The following C6orf132 variants were observed in gnomAD, a reference collection of about 807,000 sequenced individuals.
C6orf132 encodes the protein chromosome 6 open reading frame 132, also known as uncharacterized protein C6orf132.
A neutral mutation model predicts 65.3 loss-of-function variants in C6orf132; 43 were observed. The observed-to-expected ratio is 0.66, with a 90% CI of 0.52 to 0.85. C6orf132 has a LOEUF of 0.85. Ranked by LOEUF, C6orf132 falls within the 40% of genes least tolerant of loss-of-function variation. C6orf132 has a pLI of 0.00. For synonymous variants in C6orf132, 631 were observed against 654.1 expected (o/e 0.96, Z 0.54); for missense variants, 1,488 against 1,548.8 (o/e 0.96, Z 0.66).
chr6:42,126,448 G>A (rs13219156), intron 2 of C6orf132: 11,778 of 151,754 alleles, frequency 0.078, 1,185 homozygotes, highest in African/African-American at 0.23. Context: ...GTATTTTACC[G>A]ACTGGTAGAG....
At chr6:42,108,946 G>C (rs1305004132) in intron 3 of C6orf132, among the ~76,000 whole-genome samples, 1 of 152,200 alleles carries the variant, frequency 6.6e-6, no homozygotes. Flanking sequence ...CCAACTGTCA[G>C]GCAGGACTTA....
rs905349308 is a variant in C6orf132 at position 42,102,175 on chromosome 6, C to G, written c.*1586G>C. ...AAAACAAGCATAAACCTGGACTGCCCAGGCAAAGGACACGTGGTCACCCTA... is the reference window on the plus strand; with the variant it reads ...AAAACAAGCATAAACCTGGACTGCCGAGGCAAAGGACACGTGGTCACCCTA... On this transcript the variant is annotated 3_prime_UTR_variant, in exon 5 of 5. Transcript: ENST00000341865. 6.6e-6 allele frequency: 1 copy of G among 151,482 alleles called. No individual in the cohort carries two copies. Among genetic ancestry groups the G allele is most frequent in the Non-Finnish European group, 1.5e-5 (1 of 68,010 alleles). 9.4% of individuals were successfully genotyped at this position (151,482 alleles called of 1,614,324 possible).
At chr6:42,111,278 ATTTT>A (rs61241413) in intron 2 of C6orf132, among the ~76,000 whole-genome samples, 5 of 119,938 alleles carry the variant, frequency 4.2e-5, no homozygotes, top group African/African-American at 7.1e-5. Flanking sequence ...TTCCTGGCTA[ATTTT>A]TTTTTTTTTT....
At chr6:42,131,567 CCCA>C (rs1402821173) in intron 1 of C6orf132, among the ~76,000 whole-genome samples, 1 of 152,214 alleles carries the variant, frequency 6.6e-6, no homozygotes, top group Non-Finnish European at 1.5e-5. Flanking sequence ...GAGCCATAAT[CCCA>C]CCATGTACGG....
At chr6:42,128,050 G>A (rs373898321) in intron 2 of C6orf132, among the ~76,000 whole-genome samples, 1 of 150,244 alleles carries the variant, frequency 6.7e-6, no homozygotes, top group Non-Finnish European at 1.5e-5. Context: ...TCAGCCTCCC[G>A]AGTAGCTGGG....
In C6orf132 at chr6:42,105,997, G is replaced by T. The variant is rs1766396462; in HGVS notation, c.1915C>A (p.Pro639Thr). Reference protein sequence around the residue: ...TSLQPKAMLGPAIPPKATPEP... With the variant: ...TSLQPKAMLGTAIPPKATPEP... ...GGTGTGGCCTTGGGTGGTATGGCTGGTCCCAACATAGCCTTGGGCTGGAGT... is the reference window on the plus strand; with the variant it reads ...GGTGTGGCCTTGGGTGGTATGGCTGTTCCCAACATAGCCTTGGGCTGGAGT... The change falls in exon 4 of 5, where the codon CCA becomes ACA. Residue 639 changes from proline (P) to threonine (T), a missense_variant. Pro to Thr is a conservative substitution (Grantham distance 38). Transcript: ENST00000341865. The T allele has an allele frequency of 6.5e-7, 1 of 1,537,256 alleles. No homozygotes were observed. The highest frequency in any genetic ancestry group is 8.7e-7 in the Non-Finnish European group (1 of 1,146,898).
At position 42,104,522 on chromosome 6, in the gene C6orf132, C is replaced by T; in HGVS notation, c.3390G>A (p.Ala1130=). ...TGCCGGGCGCTTTGTGCTTGGCCTCCGCGGCGCCCCGGGCGGCGCCCTCCA... is the reference window on the plus strand; with the variant it reads ...TGCCGGGCGCTTTGTGCTTGGCCTCTGCGGCGCCCCGGGCGGCGCCCTCCA... ...LSLEGAARGA[A]EAKHKAPGSA... is the part of the protein sequence containing the mutation. The change falls in exon 4 of 5, where the codon GCG becomes GCA. Residue 1130 remains alanine, a synonymous_variant. Coordinates refer to ENST00000341865, the MANE Select transcript of C6orf132 (RefSeq NM_001164446.3). The surrounding 1 kb of genome is among the most constrained non-coding windows in gnomAD (Gnocchi z 4.1). 1 of 1,235,178 alleles carries T rather than the reference C, an allele frequency of 8.1e-7. No homozygotes were observed. The highest frequency in any genetic ancestry group is 1.0e-6 in the Non-Finnish European group (1 of 990,470). 76.5% of individuals were successfully genotyped at this position (1,235,178 alleles called of 1,614,324 possible).
chr6:42,125,676 G>T (rs1233859790), intron 2 of C6orf132, among the ~76,000 whole-genome samples: 2 of 152,230 alleles, frequency 1.3e-5, no homozygotes, highest in Admixed American at 6.5e-5. Context: ...GACTGGTTCT[G>T]AGGCTTGCCC....
chr6:42,117,947 AAAAG>A lies in C6orf132; in HGVS notation c.253-7660_253-7657del, dbSNP rs1287767939. On this transcript the variant is annotated intron_variant, in intron 2 of 4. Transcript: ENST00000341865. ...ACAAAAAAAAAAAAAAAAAAAAAAAAAAAGAATATGGGACAAAGAGGCAGAAAAC... is the reference window on the plus strand; with the variant it reads ...ACAAAAAAAAAAAAAAAAAAAAAAAAAATATGGGACAAAGAGGCAGAAAAC... 4.3e-3 allele frequency among the ~76,000 whole-genome samples: 631 copies of A among 147,256 alleles called. 4 individuals are homozygous for A. Among genetic ancestry groups the A allele is most frequent in the African/African-American group, 0.016 (613 of 39,490 alleles).
Position 42,104,559 on chromosome 6 carries a change from G to T in C6orf132, c.3353C>A (p.Pro1118Gln). 5.5e-6 allele frequency: 7 copies of T among 1,280,062 alleles called. No individual in the cohort carries two copies. The highest frequency in any genetic ancestry group is 6.9e-6 in the Non-Finnish European group (7 of 1,015,706). 79.3% of individuals were successfully genotyped at this position (1,280,062 alleles called of 1,614,324 possible). Reference protein sequence around the residue: ...GRAPPGGLHAPRLSLEGAARG... With the variant: ...GRAPPGGLHAQRLSLEGAARG... ...GGCGGCGCCCTCCAGGGACAGCCTC[G>T]GCGCGTGCAGGCCTCCGGGGGGCGC... The change falls in exon 4 of 5, where the codon CCG (proline) becomes CAG (glutamine). Residue 1118 changes from proline (P) to glutamine (Q), a missense_variant. Coordinates refer to ENST00000341865, the MANE Select transcript of C6orf132 (RefSeq NM_001164446.3). The surrounding 1 kb of genome is among the most constrained non-coding windows in gnomAD (Gnocchi z 4.1).
At chr6:42,141,328 G>A (rs1475483404) in intron 1 of C6orf132, among the ~76,000 whole-genome samples, 1 of 152,194 alleles carries the variant, frequency 6.6e-6, no homozygotes, top group Non-Finnish European at 1.5e-5. Flanking sequence ...AGGCAGGCAA[G>A]CTAAAGCAGT....
intron 1 of C6orf132, among the ~76,000 whole-genome samples, chr6:42,129,482 T>G (rs938026046): frequency 2.0e-5 from 3 of 152,206 alleles, no homozygotes; most frequent in Non-Finnish European, 2.9e-5. Context: ...CGTATAGCAC[T>G]GTTGTGAGGA....
Position 42,103,753 on chromosome 6 carries a change from C to T in C6orf132, c.*8G>A. 7.2e-7 allele frequency: 1 copy of T among 1,389,036 alleles called. No homozygotes were observed. Among genetic ancestry groups the T allele is most frequent in the East Asian group, 2.9e-5 (1 of 34,526 alleles). The allele number at this position is 1,389,036 out of a possible 1,614,324, so 86.0% of individuals were successfully genotyped here. On this transcript the variant is annotated 3_prime_UTR_variant, in exon 5 of 5. Coordinates refer to ENST00000341865, the MANE Select transcript of C6orf132 (RefSeq NM_001164446.3). ...GTTTGTTGGAGTAGAGCTAAGAGAA[C>T]CCCTGGCTCAGGAGGTGGCTTTCCG... is the stretch of plus-strand genomic sequence containing the variant.
chr6:42,116,950 C>T (rs1470672763), intron 2 of C6orf132, among the ~76,000 whole-genome samples: 2 of 152,180 alleles, frequency 1.3e-5, no homozygotes, highest in African/African-American at 4.8e-5. Flanking sequence ...GCTACATCTG[C>T]CTCTCCCAAC....
chr6:42,116,131 T>C (rs1341120608), intron 2 of C6orf132, among the ~76,000 whole-genome samples: 6 of 151,992 alleles, frequency 3.9e-5, no homozygotes, highest in Non-Finnish European at 5.9e-5. Flanking sequence ...GGTTTCACTA[T>C]GTTGGCCAGG....
chr6:42,129,336 C>T (rs185822130), intron 1 of C6orf132, among the ~76,000 whole-genome samples: 49 of 152,314 alleles, frequency 3.2e-4, no homozygotes, highest in Admixed American at 2.3e-3. Context: ...CCCTTGAGGG[C>T]AGAGCAGAAA....
intron 1 of C6orf132, among the ~76,000 whole-genome samples, chr6:42,129,854 C>G (rs1348307531): frequency 2.0e-5 from 3 of 152,204 alleles, no homozygotes; most frequent in Non-Finnish European, 4.4e-5. Flanking sequence ...CAGAAGTCTG[C>G]TAACTGGGAC....
At chr6:42,131,433 GA>G (rs1766851782) in intron 1 of C6orf132, among the ~76,000 whole-genome samples, 1 of 152,232 alleles carries the variant, frequency 6.6e-6, no homozygotes, top group Admixed American at 6.5e-5. Context: ...CTGTTTTACA[GA>G]TGAGGAAACT....
Position 42,142,278 on chromosome 6 carries a change from C to G in C6orf132, c.145+22G>C, listed in dbSNP as rs1767048802. On this transcript the variant is annotated intron_variant, in intron 1 of 4. Transcript: ENST00000341865. Reference sequence around the variant, plus strand: ...GCGCCCTCCGTCCCCGCCCCAGCGCCCTCCGTCCCCGGAGTACTCACCGAA... The same window carrying G: ...GCGCCCTCCGTCCCCGCCCCAGCGCGCTCCGTCCCCGGAGTACTCACCGAA... 2.6e-6 allele frequency: 4 copies of G among 1,546,668 alleles called. No homozygotes were observed. The African/African-American group carries it at 5.5e-5, about 21-fold the overall frequency.
Sources: allele counts gnomAD v4.1 joint callset (sites outside exome capture counted in the v4.1 genomes callset), GRCh38; gene constraint gnomAD v4.1.1; non-coding constraint Gnocchi (gnomAD v3.1); transcripts MANE v1.5; gene names NCBI Gene and HGNC (gene_info 2026-07-23, HGNC 2026-07-21).